The following AK7 variants were observed in gnomAD, a reference collection of about 807,000 sequenced individuals.
AK7 encodes ATP-AMP transphosphorylase 7.
A neutral mutation model predicts 96.6 loss-of-function variants in AK7; 78 were observed. The ratio of observed to expected loss-of-function variants is 0.81; its 90% confidence interval spans 0.67 to 0.97. The LOEUF (loss-of-function observed/expected upper bound fraction) is 0.97. Ranked by LOEUF, AK7 falls within the 50% of genes least tolerant of loss-of-function variation. The pLI is 0.00. For synonymous variants in AK7, 302 were observed against 317.2 expected (o/e 0.95, Z 0.51); for missense variants, 855 against 887.9 (o/e 0.96, Z 0.47).
intron 3 of AK7, among the ~76,000 whole-genome samples, chr14:96,408,016 T>C (rs1890822527): frequency 1.3e-5 from 2 of 152,164 alleles, no homozygotes; most frequent in Admixed American, 6.5e-5. Flanking sequence ...AATAAAATGC[T>C]CTCCTTTCTC....
At chr14:96,437,000 A>G (rs868257123) in intron 5 of AK7, among the ~76,000 whole-genome samples, 9 of 142,466 alleles carry the variant, frequency 6.3e-5, no homozygotes, top group African/African-American at 2.1e-4. Context: ...TCATATCAAT[A>G]ATAAAGATGG....
At chr14:96,466,792 A>G (rs11845875) in intron 12 of AK7, among the ~76,000 whole-genome samples, 50,287 of 151,944 alleles carry the variant, frequency 0.33, 8,658 homozygotes, top group South Asian at 0.4. Flanking sequence ...AACAACCCTC[A>G]TTTTTCACTA....
intron 12 of AK7, among the ~76,000 whole-genome samples, chr14:96,461,648 G>A (rs567388653): frequency 6.6e-6 from 1 of 152,258 alleles, no homozygotes; most frequent in East Asian, 1.9e-4. Flanking sequence ...CTGTAGTGCA[G>A]TGGTGTGATC....
chr14:96,478,810 C>G (rs1895340049), intron 15 of AK7, 148 bp downstream of exon 15: 1 of 729,144 alleles, frequency 1.4e-6, no homozygotes, highest in African/African-American at 1.8e-5. Flanking sequence ...ACAGGGCACT[C>G]CTCCTGGGGA....
At chr14:96,422,929 T>C (rs1891793818) in intron 5 of AK7, among the ~76,000 whole-genome samples, 1 of 152,214 alleles carries the variant, frequency 6.6e-6, no homozygotes, top group Non-Finnish European at 1.5e-5. Context: ...TGATGATTTT[T>C]CATTCAGGGT....
chr14:96,448,403 G>A (rs539783145), intron 8 of AK7, among the ~76,000 whole-genome samples: 3 of 151,988 alleles, frequency 2.0e-5, no homozygotes, highest in African/African-American at 7.2e-5. Flanking sequence ...AGTTCAGGTG[G>A]AAGAATCACC....
At chr14:96,472,901 G>A (rs1595458935) in intron 14 of AK7, 146 bp downstream of exon 14, 3 of 571,546 alleles carry the variant, frequency 5.2e-6, no homozygotes, top group Non-Finnish European at 9.5e-6. Context: ...GGCCAACATG[G>A]CGAAACCCCA....
chr14:96,465,086 T>C (rs1318071211), intron 12 of AK7, among the ~76,000 whole-genome samples: 1 of 152,244 alleles, frequency 6.6e-6, no homozygotes, highest in East Asian at 1.9e-4. Flanking sequence ...AAACGACTAT[T>C]ACACAACAAT....
At chr14:96,484,918 G>GGA (rs1895690350) in intron 16 of AK7, among the ~76,000 whole-genome samples, 3 of 152,160 alleles carry the variant, frequency 2.0e-5, no homozygotes, top group Admixed American at 2.0e-4. Context: ...AGGAAAGAAG[G>GGA]GAGAAAGGAA....
At chr14:96,423,559 A>C in intron 5 of AK7, 1 of 483,116 alleles carries the variant, frequency 2.1e-6, no homozygotes, top group Non-Finnish European at 4.0e-6. Context: ...AAGTCACCCT[A>C]AGCCACCATC....
At chr14:96,428,311 G>A (rs1293667623) in intron 5 of AK7, among the ~76,000 whole-genome samples, 3 of 152,024 alleles carry the variant, frequency 2.0e-5, no homozygotes, top group Non-Finnish European at 4.4e-5. Flanking sequence ...TTTTATGGCT[G>A]CATAGTATTC....
At chr14:96,443,492 C>A (rs1025543716) in intron 7 of AK7, among the ~76,000 whole-genome samples, 1 of 152,214 alleles carries the variant, frequency 6.6e-6, no homozygotes, top group Non-Finnish European at 1.5e-5. Flanking sequence ...CTCTTTCTCT[C>A]ATCCACTGGC....
At chr14:96,394,784 T>G (rs762453367) in intron 1 of AK7, among the ~76,000 whole-genome samples, 25 of 152,352 alleles carry the variant, frequency 1.6e-4, no homozygotes, top group Non-Finnish European at 2.9e-4. Flanking sequence ...GAGACTAGCC[T>G]GGCCAACATA....
At chr14:96,416,472 T>C (rs1467337892) in intron 4 of AK7, among the ~76,000 whole-genome samples, 2 of 151,984 alleles carry the variant, frequency 1.3e-5, no homozygotes, top group African/African-American at 4.8e-5. Context: ...GCAGGGGAGA[T>C]TACTCTGTAG....
chr14:96,468,837 T>C (rs1033152501), intron 12 of AK7, among the ~76,000 whole-genome samples: 4 of 152,196 alleles, frequency 2.6e-5, no homozygotes, highest in African/African-American at 9.6e-5. Context: ...TTAATTTTTT[T>C]TTTTTTTAGA....
At position 96,398,069 on chromosome 14, in the gene AK7, T is replaced by C; in HGVS notation, c.106-6T>C. ...TACCATTTGGGAAATTTCTGTTTCC[T>C]TGCAGTTTCTATCTAACTGTGTAGT... is the stretch of plus-strand genomic sequence containing the variant. On this transcript the variant is annotated splice_region_variant and splice_polypyrimidine_tract_variant and intron_variant, in intron 1 of 17. Coordinates refer to ENST00000267584, the MANE Select transcript of AK7 (RefSeq NM_152327.5). 1 of 1,611,376 alleles carries C rather than the reference T, an allele frequency of 6.2e-7. No homozygotes were observed. Among genetic ancestry groups the C allele is most frequent in the Non-Finnish European group, 8.5e-7 (1 of 1,178,384 alleles).
At chr14:96,486,467 G>A (rs750287230) in intron 16 of AK7, among the ~76,000 whole-genome samples, 1 of 152,134 alleles carries the variant, frequency 6.6e-6, no homozygotes. Flanking sequence ...GCCAGGAGCT[G>A]GCTGGATGAT....
chr14:96,416,800 G>A (rs921821134), intron 4 of AK7, among the ~76,000 whole-genome samples: 3 of 152,168 alleles, frequency 2.0e-5, no homozygotes, highest in South Asian at 2.1e-4. Context: ...GCAACTGGTC[G>A]CAAAGGTGCA....
chr14:96,453,611 C>G (rs1344473493), intron 10 of AK7, among the ~76,000 whole-genome samples: 1 of 152,194 alleles, frequency 6.6e-6, no homozygotes, highest in South Asian at 2.1e-4. Flanking sequence ...GTCAGTTCAT[C>G]CTACTCCCCT....
Sources: allele counts gnomAD v4.1 joint callset (sites outside exome capture counted in the v4.1 genomes callset), GRCh38; gene constraint gnomAD v4.1.1; transcripts MANE v1.5; gene names NCBI Gene and HGNC (gene_info 2026-07-23, HGNC 2026-07-21).